TAF1A: variants seen among roughly 807,000 people sequenced by gnomAD.
TAF1A encodes the protein TATA box-binding protein-associated factor RNA polymerase I subunit A.
TAF1A carries 42 observed loss-of-function variants against 61.6 expected under a neutral mutation model. The observed-to-expected ratio is 0.68, with a 90% CI of 0.53 to 0.88. The LOEUF (loss-of-function observed/expected upper bound fraction) is 0.88. TAF1A is among the 40% of genes least tolerant of loss of function. The probability of loss-of-function intolerance (pLI) is 0.00; values close to 1 mark genes in which losing one functional copy is unlikely to be tolerated. For synonymous variants in TAF1A, 179 were observed against 177.7 expected (o/e 1.01, Z -0.06); for missense variants, 424 against 518.7 (o/e 0.82, Z 1.77).
At chr1:222,572,507 G>A (rs537690904) in intron 5 of TAF1A, among the ~76,000 whole-genome samples, 3 of 152,164 alleles carry the variant, frequency 2.0e-5, no homozygotes, top group South Asian at 2.1e-4. Context: ...ACAGGCACAC[G>A]CTACCACACT....
chr1:222,588,551 T>C lies in TAF1A; in HGVS notation c.13A>G (p.Ser5Gly). 6.2e-7 allele frequency: 1 copy of C among 1,614,000 alleles called. No homozygotes were observed. The highest frequency in any genetic ancestry group is 1.1e-5 in the South Asian group (1 of 91,038). MSDFSEELKGPVTDD... is the reference protein window; with the variant it reads MSDFGEELKGPVTDD... ...GTCACAGGCCCTTTTAATTCTTCAC[T>C]GAAATCACTCATACCTATTACAAGA... is the stretch of plus-strand genomic sequence containing the variant. Residue 5 changes from serine to glycine, a missense_variant, in exon 2 of 11, where the codon AGT becomes GGT. Physicochemically the swap from Ser to Gly is moderately conservative, Grantham distance 56. Transcript: ENST00000352967.
At chr1:222,575,726 G>A (rs1017582019) in intron 5 of TAF1A, among the ~76,000 whole-genome samples, 13 of 152,054 alleles carry the variant, frequency 8.5e-5, no homozygotes, top group Admixed American at 2.0e-4. Flanking sequence ...TTTTTTTCTC[G>A]TTAAATAGAC....
chr1:222,581,031 GC>G (rs1219337451), intron 3 of TAF1A, among the ~76,000 whole-genome samples: 2 of 152,152 alleles, frequency 1.3e-5, no homozygotes, highest in Admixed American at 1.3e-4. Context: ...GGGAGGCGGA[GC>G]TTGCAGCGAG....
rs1292990925 is a variant in TAF1A at position 222,569,236 on chromosome 1, G to A, written c.894+274C>T. On this transcript the variant is annotated intron_variant, in intron 7 of 10. Transcript: ENST00000352967. ...TCTCTGAAAACTAAATTTCAATAAA[G>A]TTGATTTTCAAAAAATATCAGTGCA... 3.2e-6 allele frequency: 4 copies of A among 1,251,550 alleles called. No individual in the cohort carries two copies. In the East Asian group the frequency reaches 1.6e-4, roughly 49 times the overall value. The allele number at this position is 1,251,550 out of a possible 1,614,324, so 77.5% of individuals were successfully genotyped here.
chr1:222,569,165 A>T, intron 7 of TAF1A: 1 of 836,930 alleles, frequency 1.2e-6, no homozygotes, highest in South Asian at 2.5e-5. Flanking sequence ...ATGGTGGTTC[A>T]TGAATGTAAC....
chr1:222,567,987 C>A (rs764451566), intron 7 of TAF1A, among the ~76,000 whole-genome samples: 1 of 151,948 alleles, frequency 6.6e-6, no homozygotes, highest in African/African-American at 2.4e-5. Context: ...CACTAGAACA[C>A]AACAGACTTC....
downstream of TAF1A, among the ~76,000 whole-genome samples, chr1:222,555,442 A>C (rs977897957): frequency 6.6e-6 from 1 of 152,222 alleles, no homozygotes; most frequent in African/African-American, 2.4e-5. Context: ...GCTGAGCAAA[A>C]TTAAAATAGG....
Position 222,577,617 on chromosome 1 carries a change from A to C in TAF1A, c.432T>G (p.Leu144=). 6.2e-7 allele frequency: 1 copy of C among 1,613,918 alleles called. No homozygotes were observed. The highest frequency in any genetic ancestry group is 8.5e-7 in the Non-Finnish European group (1 of 1,179,880). Residue 144 remains leucine (L), a synonymous_variant, in exon 5 of 11, where the codon CTT becomes CTG. Coordinates refer to ENST00000352967, the MANE Select transcript of TAF1A (RefSeq NM_005681.4). The stretch of plus-strand genomic sequence containing the variant: ...CATCTTTAAGCATTCCATGATGCAG[A>C]AGGTATAATGCATGTTGTAAGGAGA... ...LKISLQHALY[L]LHHGMLKDAK...
At chr1:222,557,301 T>C (rs749245383), downstream of TAF1A, among the ~76,000 whole-genome samples, 5 of 152,214 alleles carry the variant, frequency 3.3e-5, no homozygotes, top group South Asian at 2.1e-4. Context: ...GCTCAGCTCA[T>C]GTTCCAGGAA....
intron 2 of TAF1A, among the ~76,000 whole-genome samples, chr1:222,586,576 T>C (rs772409288): frequency 3.9e-5 from 6 of 152,214 alleles, no homozygotes; most frequent in Non-Finnish European, 7.3e-5. Context: ...GGAATAGAGA[T>C]GTACAATAAA....
chr1:222,588,358 C>G (rs748242372), intron 2 of TAF1A, 85 bp downstream of exon 2: 1 of 1,481,058 alleles, frequency 6.8e-7, no homozygotes, highest in Admixed American at 2.2e-5. Flanking sequence ...GAAAATTAAA[C>G]CAGTCTGGTT....
At chr1:222,557,577 A>G (rs193298889), downstream of TAF1A, among the ~76,000 whole-genome samples, 508 of 152,004 alleles carry the variant, frequency 3.3e-3, 1 homozygote, top group Non-Finnish European at 5.4e-3. Context: ...CAGCCTCCCA[A>G]ATAGCTAGGA....
At chr1:222,571,724 G>A (rs1481641412) in intron 5 of TAF1A, among the ~76,000 whole-genome samples, 1 of 152,020 alleles carries the variant, frequency 6.6e-6, no homozygotes, top group Non-Finnish European at 1.5e-5. Context: ...AATTTTTTAA[G>A]ACCTAAATGA....
At chr1:222,563,866 T>C (rs1558142059) in intron 8 of TAF1A, among the ~76,000 whole-genome samples, 193 bp downstream of exon 8, 1 of 151,916 alleles carries the variant, frequency 6.6e-6, no homozygotes, top group Non-Finnish European at 1.5e-5. Flanking sequence ...GCATACAGTC[T>C]CTGTCACAAC....
At chr1:222,583,799 A>G (rs901015506) in intron 3 of TAF1A, among the ~76,000 whole-genome samples, 10 of 150,692 alleles carry the variant, frequency 6.6e-5, no homozygotes, top group African/African-American at 2.2e-4. Flanking sequence ...AGATCGCGCT[A>G]CTTCACTCCA....
intron 7 of TAF1A, among the ~76,000 whole-genome samples, chr1:222,564,965 T>C (rs1157954771): frequency 1.3e-5 from 2 of 152,246 alleles, no homozygotes; most frequent in African/African-American, 4.8e-5. Flanking sequence ...GAATTCTGTA[T>C]ATGGCTCAAT....
At chr1:222,572,128 G>A (rs1660378906) in intron 5 of TAF1A, among the ~76,000 whole-genome samples, 1 of 151,204 alleles carries the variant, frequency 6.6e-6, no homozygotes, top group Non-Finnish European at 1.5e-5. Flanking sequence ...CTGAGGCACA[G>A]GAATCGCTTG....
chr1:222,555,811 C>T (rs1453078483), downstream of TAF1A, among the ~76,000 whole-genome samples: 1 of 152,042 alleles, frequency 6.6e-6, no homozygotes, highest in Non-Finnish European at 1.5e-5. Flanking sequence ...TATATCAAAA[C>T]ATCAGGTTGT....
intron 4 of TAF1A, 75 bp downstream of exon 4, chr1:222,579,684 C>T: frequency 2.6e-6 from 4 of 1,544,952 alleles, no homozygotes; most frequent in Non-Finnish European, 3.5e-6. Flanking sequence ...AGGTTAACTA[C>T]CTTATCACTG....
Sources: gnomAD v4.1 joint callset for allele counts (sites outside exome capture counted in the v4.1 genomes callset) on GRCh38, gnomAD v4.1.1 for gene constraint, MANE v1.5 for transcripts, NCBI Gene and HGNC (gene_info 2026-07-23, HGNC 2026-07-21) for gene names.